SOX6: variants seen among roughly 807,000 people sequenced by gnomAD.
The protein encoded by SOX6 is SRY-box transcription factor 6.
SOX6 carries 11 observed loss-of-function variants against 97.8 expected under a neutral mutation model. The observed-to-expected ratio is 0.11, with a 90% confidence interval of 0.07 to 0.19. The LOEUF is 0.19. SOX6 is among the 10% of genes least tolerant of loss of function. The probability of loss-of-function intolerance (pLI) is 1.00; values close to 1 mark genes in which losing one functional copy is unlikely to be tolerated. For synonymous variants in SOX6, 360 were observed against 371.4 expected (o/e 0.97, Z 0.35); for missense variants, 810 against 1,039.5 (o/e 0.78, Z 3.04).
chr11:16,177,141 C>T (rs1851209909), intron 6 of SOX6, among the ~76,000 whole-genome samples: 1 of 151,796 alleles, frequency 6.6e-6, no homozygotes, highest in South Asian at 2.1e-4. Context: ...ATTTTAATTC[C>T]CCAAAAGGTG....
intron 4 of SOX6, among the ~76,000 whole-genome samples, chr11:16,512,925 T>C (rs972023933): frequency 3.3e-5 from 5 of 152,210 alleles, no homozygotes; most frequent in Non-Finnish European, 7.3e-5. Context: ...GGGAGTACTG[T>C]GAGTAAAATC....
chr11:16,587,031 A>G (rs1228586804), intron 4 of SOX6, among the ~76,000 whole-genome samples: 3 of 152,224 alleles, frequency 2.0e-5, no homozygotes, highest in Non-Finnish European at 4.4e-5. Flanking sequence ...CATGCCATGC[A>G]AAGCAAGGAC....
chr11:16,360,091 T>G (rs1190362082), upstream of SOX6, among the ~76,000 whole-genome samples: 1 of 152,222 alleles, frequency 6.6e-6, no homozygotes, highest in Non-Finnish European at 1.5e-5. Flanking sequence ...TCAAAAACTA[T>G]CCTAGCTGCT....
chr11:16,286,782 A>T (rs997634601), intron 3 of SOX6, among the ~76,000 whole-genome samples: 1 of 152,172 alleles, frequency 6.6e-6, no homozygotes, highest in Non-Finnish European at 1.5e-5. Context: ...CTGTTAAATA[A>T]TAGTAGCAGA....
At chr11:16,096,393 T>C (rs574229266) in intron 8 of SOX6, among the ~76,000 whole-genome samples, 44 of 151,890 alleles carry the variant, frequency 2.9e-4, no homozygotes, top group Non-Finnish European at 5.2e-4. Context: ...TGAGGGTTCT[T>C]TTTAGACTTG....
intron 3 of SOX6, among the ~76,000 whole-genome samples, chr11:16,309,004 G>T (rs1341619668): frequency 6.6e-6 from 1 of 152,184 alleles, no homozygotes; most frequent in Non-Finnish European, 1.5e-5. Context: ...GGAACCAAAA[G>T]GTATAGACAG....
chr11:16,511,227 G>T (rs769767638), intron 4 of SOX6, among the ~76,000 whole-genome samples: 1 of 152,042 alleles, frequency 6.6e-6, no homozygotes, highest in Admixed American at 6.6e-5. Flanking sequence ...TGTTTCAAAA[G>T]CACATGGATG....
intron 1 of SOX6, among the ~76,000 whole-genome samples, chr11:16,453,186 T>C (rs1034257468): frequency 2.0e-5 from 3 of 152,178 alleles, no homozygotes; most frequent in African/African-American, 7.2e-5. Context: ...TGTTCTTGGC[T>C]ATTTTTGCCT....
chr11:16,221,032 G>GTAAT (rs1369980781), intron 4 of SOX6, among the ~76,000 whole-genome samples: 1 of 151,972 alleles, frequency 6.6e-6, no homozygotes, highest in East Asian at 1.9e-4. Context: ...TATTGTCAAG[G>GTAAT]TAATTATGTG....
rs869051811 is a variant in SOX6, at chr11:16,132,338, A to AAAAGAAAG, written c.778-20423_778-20416dup. On this transcript the variant is annotated intron_variant, in intron 6 of 15. Transcript: ENST00000683767. Reference sequence around the variant, plus strand: ...AGGAAGGAAGGAAGGAAGGAAAGAAAAAAGAAAGAAAGAAAGAAAGAAAGA... The same window carrying AAAAGAAAG: ...AGGAAGGAAGGAAGGAAGGAAAGAAAAAAGAAAGAAAGAAAGAAAGAAAGAAAGAAAGA... Among the ~76,000 whole-genome samples, 19 of 40,678 alleles carry AAAAGAAAG rather than the reference A, an allele frequency of 4.7e-4. 1 individual carries two copies. The highest frequency in any genetic ancestry group is 3.0e-3 in the South Asian group (3 of 1,006). The allele number at this position is 40,678 out of a possible 152,430, so 26.7% of individuals were successfully genotyped here.
intron 4 of SOX6, among the ~76,000 whole-genome samples, chr11:16,500,712 G>C (rs139500436): frequency 0.015 from 2,254 of 152,232 alleles, 62 homozygotes; most frequent in African/African-American, 0.052. Flanking sequence ...ATTCACAATT[G>C]CTTCAAAGAG....
chr11:16,483,308 T>C (rs1860376985), intron 4 of SOX6, among the ~76,000 whole-genome samples: 1 of 152,186 alleles, frequency 6.6e-6, no homozygotes, highest in Non-Finnish European at 1.5e-5. Flanking sequence ...TGGGTGGAAA[T>C]TACAAAGTGG....
At chr11:16,432,732 T>C (rs1859294790) in intron 1 of SOX6, among the ~76,000 whole-genome samples, 1 of 152,076 alleles carries the variant, frequency 6.6e-6, no homozygotes, top group African/African-American at 2.4e-5. Flanking sequence ...ATCTGCCTTT[T>C]AAACAAACAC....
Position 15,972,034 on chromosome 11 carries a change from C to A in SOX6, c.*775G>T, listed in dbSNP as rs1853330962. The A allele has an allele frequency of 6.6e-6, 1 of 152,566 alleles. No homozygotes were observed. Among genetic ancestry groups the A allele is most frequent in the African/African-American group, 2.4e-5 (1 of 41,390 alleles). 9.5% of individuals were successfully genotyped at this position (152,566 alleles called of 1,614,324 possible). A position where few individuals can be genotyped will look rare whatever the true frequency, so the allele number is the denominator to read the frequency against. ...ACCACATCACGCACTGATGGCACGTCAACAGGCAAACACAATTGGGTCCAT... is the reference window on the plus strand; with the variant it reads ...ACCACATCACGCACTGATGGCACGTAAACAGGCAAACACAATTGGGTCCAT... On this transcript the variant is annotated 3_prime_UTR_variant, in exon 16 of 16. Transcript: ENST00000683767.
chr11:16,518,550 C>T (rs1228678937), intron 4 of SOX6, among the ~76,000 whole-genome samples: 1 of 152,122 alleles, frequency 6.6e-6, no homozygotes, highest in East Asian at 1.9e-4. Flanking sequence ...TTAATTACCC[C>T]TACAAAGCCT....
At chr11:16,449,433 C>T (rs1859677922) in intron 1 of SOX6, among the ~76,000 whole-genome samples, 1 of 151,736 alleles carries the variant, frequency 6.6e-6, no homozygotes, top group South Asian at 2.1e-4. Context: ...GCTGGGATTA[C>T]AGGCGCCCGC....
At chr11:16,218,751 C>T (rs976701527) in intron 4 of SOX6, among the ~76,000 whole-genome samples, 8 of 152,028 alleles carry the variant, frequency 5.3e-5, no homozygotes, top group Non-Finnish European at 8.8e-5. Context: ...TAAAAATAGT[C>T]GCACATTAAC....
chr11:16,150,011 G>A (rs1282060235), intron 6 of SOX6, among the ~76,000 whole-genome samples: 1 of 152,080 alleles, frequency 6.6e-6, no homozygotes, highest in Non-Finnish European at 1.5e-5. Context: ...TAGGGAGTTT[G>A]GAAGCATTTT....
At chr11:16,222,369 C>T (rs1852566359) in intron 4 of SOX6, among the ~76,000 whole-genome samples, 1 of 152,030 alleles carries the variant, frequency 6.6e-6, no homozygotes, top group South Asian at 2.1e-4. Context: ...CATGTCACCA[C>T]ACCCAGCTAC....
Sources: allele counts gnomAD v4.1 joint callset (sites outside exome capture counted in the v4.1 genomes callset), GRCh38; gene constraint gnomAD v4.1.1; transcripts MANE v1.5; gene names NCBI Gene and HGNC (gene_info 2026-07-23, HGNC 2026-07-21).